Variants in ANKRD13B observed in about 807,000 individuals in gnomAD.
ANKRD13B encodes the protein ankyrin repeat domain 13B, also known as ankyrin repeat domain-containing protein 13B.
In ANKRD13B, 33 loss-of-function variants were observed where a neutral mutation model predicts 74.4. The observed-to-expected ratio is 0.44, with a 90% CI of 0.34 to 0.59. The LOEUF (loss-of-function observed/expected upper bound fraction) is 0.59. ANKRD13B is among the 20% of genes least tolerant of loss of function. The pLI, the probability that ANKRD13B is intolerant of heterozygous loss-of-function variation, is 0.02. For missense variants in ANKRD13B, 676 were observed against 877.9 expected, an observed-to-expected ratio of 0.77 and a Z score of 2.91; for synonymous variants, 341 against 362.9, an observed-to-expected ratio of 0.94 and a Z score of 0.68.
intron 1 of ANKRD13B, among the ~76,000 whole-genome samples, chr17:29,606,620 G>A (rs1296882116): frequency 1.3e-5 from 2 of 150,340 alleles, no homozygotes; most frequent in Non-Finnish European, 2.9e-5. Context: ...TTCTAAGCCA[G>A]GTGCAGGGGC....
chr17:29,599,049 C>T (rs1218617476), intron 1 of ANKRD13B, among the ~76,000 whole-genome samples: 1 of 152,148 alleles, frequency 6.6e-6, no homozygotes, highest in African/African-American at 2.4e-5. Flanking sequence ...TCAACAGGCA[C>T]TTGGACGGGC....
intron 1 of ANKRD13B, among the ~76,000 whole-genome samples, chr17:29,602,415 T>A (rs1010347323): frequency 1.3e-5 from 2 of 151,862 alleles, no homozygotes; most frequent in Admixed American, 6.6e-5. Flanking sequence ...AAAAAAAATT[T>A]ATTCTGTCAC....
rs767787140 is a variant in ANKRD13B at position 29,608,122 on chromosome 17, C to G, written c.375+12C>G. The G allele has an allele frequency of 5.0e-6, 8 of 1,613,552 alleles. No individual in the cohort carries two copies. Among genetic ancestry groups the G allele is most frequent in the Non-Finnish European group, 6.8e-6 (8 of 1,179,668 alleles). ...AGAAGCTGCGCAAGGTGAGGCCCAG[C>G]CTCTCAGCCTCCACGGGAGCCCTTG... On this transcript the variant is annotated intron_variant, in intron 3 of 14. Coordinates refer to ENST00000394859, the MANE Select transcript of ANKRD13B (RefSeq NM_152345.5). The surrounding 1 kb of genome is among the most constrained non-coding windows in gnomAD (Gnocchi z 6.4).
At chr17:29,613,261 C>T (rs2034670180) in intron 14 of ANKRD13B, 93 bp from the exon 15 acceptor site, 2 of 1,389,412 alleles carry the variant, frequency 1.4e-6, no homozygotes, top group Non-Finnish European at 1.9e-6. Context: ...GGGTGGTGGC[C>T]GCGGGCCGCC....
chr17:29,610,155 G>A (rs2150900014), intron 7 of ANKRD13B, among the ~76,000 whole-genome samples: 1 of 145,634 alleles, frequency 6.9e-6, no homozygotes, highest in Middle Eastern at 3.6e-3. Context: ...TCCCGCCACA[G>A]CACTCCAGCC....
Position 29,613,657 on chromosome 17 carries a change from C to T in ANKRD13B, c.*75C>T, listed in dbSNP as rs1033414679. The T allele has an allele frequency of 1.7e-5, 23 of 1,372,860 alleles. No individual in the cohort carries two copies. The highest frequency in any genetic ancestry group is 2.2e-5 in the Non-Finnish European group (23 of 1,067,576). The allele number at this position is 1,372,860 out of a possible 1,614,324, so 85.0% of individuals were successfully genotyped here. A position where few individuals can be genotyped will look rare whatever the true frequency, so the allele number is the denominator to read the frequency against. ...CAGGAGCCAGACAAACCCCGGCCTG[C>T]GCGCCTGCAGAGCGGCGGCTGGAGA... On this transcript the variant is annotated 3_prime_UTR_variant, in exon 15 of 15. Coordinates refer to ENST00000394859, the MANE Select transcript of ANKRD13B (RefSeq NM_152345.5).
In ANKRD13B at chr17:29,611,697, G is replaced by A. The variant is rs2034585177; in HGVS notation, c.969+54G>A. The A allele has an allele frequency of 5.0e-6, 8 of 1,602,028 alleles. No individual in the cohort carries two copies. The highest frequency in any genetic ancestry group is 6.8e-6 in the Non-Finnish European group (8 of 1,169,256). On this transcript the variant is annotated intron_variant, in intron 9 of 14. Coordinates refer to ENST00000394859, the MANE Select transcript of ANKRD13B (RefSeq NM_152345.5). The surrounding 1 kb of genome is among the most constrained non-coding windows in gnomAD (Gnocchi z 4.3). The stretch of plus-strand genomic sequence containing the variant: ...GGAGGGATGTGGATGTGGCTCAGGA[G>A]GAGGCTTGGGAAGCGTCCTGCTTAG...
intron 1 of ANKRD13B, among the ~76,000 whole-genome samples, chr17:29,600,026 G>A (rs1006782004): frequency 2.4e-4 from 36 of 151,750 alleles, no homozygotes; most frequent in African/African-American, 6.5e-4. Context: ...ACAGGCGCCC[G>A]CCACCACGCC....
chr17:29,613,888 G>C lies in ANKRD13B; in HGVS notation c.*306G>C. 5.3e-6 allele frequency: 2 copies of C among 379,692 alleles called. No homozygotes were observed. The highest frequency in any genetic ancestry group is 9.4e-6 in the Non-Finnish European group (2 of 212,690). The allele number at this position is 379,692 out of a possible 1,614,324, so 23.5% of individuals were successfully genotyped here. A position where few individuals can be genotyped will look rare whatever the true frequency, so the allele number is the denominator to read the frequency against. On this transcript the variant is annotated 3_prime_UTR_variant, in exon 15 of 15. Transcript: ENST00000394859. ...CTAGGGCGGAGCCAGGCGGTCCTGA[G>C]GGGGAGATGAATCCTTAGAGGAGCG...
At chr17:29,602,037 T>C (rs891013181) in intron 1 of ANKRD13B, among the ~76,000 whole-genome samples, 1 of 152,244 alleles carries the variant, frequency 6.6e-6, no homozygotes, top group Non-Finnish European at 1.5e-5. Flanking sequence ...TTGAATTTCT[T>C]GGTTCTTGGC....
chr17:29,603,438 G>C (rs1414619535), intron 1 of ANKRD13B, among the ~76,000 whole-genome samples: 3 of 151,844 alleles, frequency 2.0e-5, no homozygotes, highest in African/African-American at 7.3e-5. Flanking sequence ...GTTTTGTTTT[G>C]TTTGTAGAGA....
rs1318594638 is a variant in ANKRD13B at position 29,612,669 on chromosome 17, G to C, written c.1429G>C (p.Glu477Gln). 3.2e-6 allele frequency: 5 copies of C among 1,565,034 alleles called. No individual in the cohort carries two copies. Among genetic ancestry groups the C allele is most frequent in the Non-Finnish European group, 4.3e-6 (5 of 1,161,516 alleles). Residue 477 changes from glutamate (E) to glutamine (Q), a missense_variant, in exon 13 of 15, where the codon GAG (glutamate) becomes CAG (glutamine). Transcript: ENST00000394859. This position sits in a 1 kb window ranked among gnomAD's most constrained non-coding sequence, Gnocchi z 6.1. ...GCCCCCAGCCTCCTGCCGCGGCTGCGAGATCTCCCCAGCGTTGTTCGAGGC... is the reference window on the plus strand; with the variant it reads ...GCCCCCAGCCTCCTGCCGCGGCTGCCAGATCTCCCCAGCGTTGTTCGAGGC... ...SSSTTSCRGC[E>Q]ISPALFEAPR...
rs2034586514 is a variant in ANKRD13B, at chr17:29,611,739, C to G, written c.969+96C>G. The G allele has an allele frequency of 6.4e-7, 1 of 1,571,088 alleles. No homozygotes were observed. Among genetic ancestry groups the G allele is most frequent in the Non-Finnish European group, 8.7e-7 (1 of 1,144,658 alleles). Reference sequence around the variant, plus strand: ...CCTGCTTAGCATGGCCTATGTGGACCTCCTTTCCACAATGCCCAAGGCCAT... The same window carrying G: ...CCTGCTTAGCATGGCCTATGTGGACGTCCTTTCCACAATGCCCAAGGCCAT... On this transcript the variant is annotated intron_variant, in intron 9 of 14. Transcript: ENST00000394859. The surrounding 1 kb of genome is among the most constrained non-coding windows in gnomAD (Gnocchi z 4.3).
At position 29,613,843 on chromosome 17, in the gene ANKRD13B, G is replaced by C. The variant is rs958113927; in HGVS notation, c.*261G>C. 4 of 530,002 alleles carry C rather than the reference G, an allele frequency of 7.5e-6. No individual in the cohort carries two copies. The African/African-American group carries it at 8.1e-5, about 11-fold the overall frequency. 32.8% of individuals were successfully genotyped at this position (530,002 alleles called of 1,614,324 possible). The stretch of plus-strand genomic sequence containing the variant: ...TTCTGATTCCCCAACCCGCTCCCCT[G>C]GGCTCAGATCTGTCCTGTCCTAGGG... On this transcript the variant is annotated 3_prime_UTR_variant, in exon 15 of 15. Transcript: ENST00000394859.
chr17:29,607,974 G>A lies in ANKRD13B; in HGVS notation c.251-12G>A, dbSNP rs762716597. ...GGGTCCTGCCCTGTGACCTTGCCTC[G>A]CCCTCCCCCAGTGCTCCAGGAGGCT... On this transcript the variant is annotated splice_polypyrimidine_tract_variant and intron_variant, in intron 2 of 14. Transcript: ENST00000394859. 1.1e-5 allele frequency: 17 copies of A among 1,597,544 alleles called. No homozygotes were observed. Among genetic ancestry groups the A allele is most frequent in the Admixed American group, 5.2e-5 (3 of 57,466 alleles).
At chr17:29,605,365 C>T (rs1057073744) in intron 1 of ANKRD13B, among the ~76,000 whole-genome samples, 2 of 152,056 alleles carry the variant, frequency 1.3e-5, no homozygotes, top group African/African-American at 4.8e-5. Context: ...ACAGCTATTT[C>T]TCTTTACATA....
chr17:29,593,743 C>A lies in ANKRD13B; in HGVS notation c.114+8C>A, dbSNP rs751242188. 5.7e-6 allele frequency: 8 copies of A among 1,391,718 alleles called. No individual in the cohort carries two copies. Among genetic ancestry groups the A allele is most frequent in the Non-Finnish European group, 7.5e-6 (8 of 1,063,018 alleles). 86.2% of individuals were successfully genotyped at this position (1,391,718 alleles called of 1,614,324 possible). ...GAGGTCCGCGCGGGCCAGGTAGGAG[C>A]GCCTTCGGGGCGCCGCGGGGACCCC... On this transcript the variant is annotated splice_region_variant and intron_variant, in intron 1 of 14. Coordinates refer to ENST00000394859, the MANE Select transcript of ANKRD13B (RefSeq NM_152345.5).
intron 1 of ANKRD13B, among the ~76,000 whole-genome samples, chr17:29,606,537 GAC>G (rs1413037521): frequency 1.1e-4 from 16 of 151,586 alleles, no homozygotes; most frequent in Non-Finnish European, 7.4e-5. Flanking sequence ...TAGCCTGGGT[GAC>G]ACAGTGAGAC....
chr17:29,598,714 AT>A (rs2034048365), intron 1 of ANKRD13B, among the ~76,000 whole-genome samples: 1 of 151,770 alleles, frequency 6.6e-6, no homozygotes, highest in Non-Finnish European at 1.5e-5. Context: ...TGCCTGGCTA[AT>A]TTTTGTATTT....
Sources: allele counts gnomAD v4.1 joint callset (sites outside exome capture counted in the v4.1 genomes callset), GRCh38; gene constraint gnomAD v4.1.1; non-coding constraint Gnocchi (gnomAD v3.1); transcripts MANE v1.5; gene names NCBI Gene and HGNC (gene_info 2026-07-23, HGNC 2026-07-21).